KBTBD12: variants seen among roughly 807,000 people sequenced by gnomAD.
The protein encoded by KBTBD12 is kelch repeat and BTB domain-containing protein 12.
KBTBD12 carries 53 observed loss-of-function variants against 58.7 expected under a neutral mutation model. The ratio of observed to expected loss-of-function variants is 0.90; its 90% confidence interval spans 0.72 to 1.14. The LOEUF is 1.14. Among genes scored for constraint, KBTBD12 ranks in the 50% most tolerant of loss-of-function variants. KBTBD12 has a pLI of 0.00. For synonymous variants in KBTBD12, 236 were observed against 259.8 expected (o/e 0.91, Z 0.88); for missense variants, 704 against 751.3 (o/e 0.94, Z 0.74).
At chr3:127,945,330 G>A (rs977510740) in intron 4 of KBTBD12, among the ~76,000 whole-genome samples, 4 of 150,762 alleles carry the variant, frequency 2.7e-5, no homozygotes, top group Non-Finnish European at 5.9e-5. Context: ...GACTACAGGC[G>A]CCCACCACAA....
chr3:127,968,381 T>C (rs1940620163), intron 5 of KBTBD12, among the ~76,000 whole-genome samples: 1 of 152,126 alleles, frequency 6.6e-6, no homozygotes, highest in Non-Finnish European at 1.5e-5. Flanking sequence ...TCTTACAAAA[T>C]ATACAAGAGG....
At chr3:127,964,270 A>G (rs942859214) in intron 5 of KBTBD12, among the ~76,000 whole-genome samples, 2 of 152,190 alleles carry the variant, frequency 1.3e-5, no homozygotes, top group African/African-American at 2.4e-5. Flanking sequence ...GTTAAAGTAA[A>G]GCTGATACTG....
At chr3:127,949,106 A>G (rs1940149148) in intron 4 of KBTBD12, among the ~76,000 whole-genome samples, 1 of 152,226 alleles carries the variant, frequency 6.6e-6, no homozygotes, top group Non-Finnish European at 1.5e-5. Flanking sequence ...CACACCAAAC[A>G]GAAAGAATTC....
chr3:127,953,382 ATACT>A lies in KBTBD12; in HGVS notation c.1493-9802_1493-9799del, dbSNP rs1940251714. Among the ~76,000 whole-genome samples the A allele has an allele frequency of 2.6e-5, 4 of 152,314 alleles. No individual in the cohort carries two copies. In the South Asian group the frequency reaches 6.2e-4, roughly 24 times the overall value. ...CCTATTGTAAACATGCGCTAATGACATACTTACTGCACATTCACACAGCCTGCTT... is the reference window on the plus strand; with the variant it reads ...CCTATTGTAAACATGCGCTAATGACATACTGCACATTCACACAGCCTGCTT... On this transcript the variant is annotated intron_variant, in intron 4 of 5. Transcript: ENST00000405109.
chr3:127,963,385 A>C lies in KBTBD12; in HGVS notation c.1689A>C (p.Ala563=), dbSNP rs770191170. The change falls in exon 5 of 6, where the codon GCA becomes GCC. Residue 563 remains alanine (A), a splice_region_variant and synonymous_variant. Transcript: ENST00000405109. The part of the protein sequence containing the change: ...KLYVCGGFHG[A]DRHEVISKEI... ...ATGTCTGCGGGGGATTCCATGGAGC[A>C]GGTATGGGTCCAGTTTTAAACATTT... is the stretch of plus-strand genomic sequence containing the variant. The C allele has an allele frequency of 6.2e-7, 1 of 1,601,828 alleles. No individual in the cohort carries two copies.
At chr3:127,943,763 G>A (rs1177518595) in intron 4 of KBTBD12, among the ~76,000 whole-genome samples, 6 of 151,820 alleles carry the variant, frequency 4.0e-5, no homozygotes, top group African/African-American at 7.3e-5. Context: ...AAATTGCCAA[G>A]GCCAATGTCA....
At chr3:127,962,981 A>C (rs1166230221) in intron 4 of KBTBD12, among the ~76,000 whole-genome samples, 1 of 152,248 alleles carries the variant, frequency 6.6e-6, no homozygotes, top group Admixed American at 6.5e-5. Context: ...CAAGGAGAAC[A>C]CTATGAATAA....
At chr3:127,951,747 C>A (rs1328258666) in intron 4 of KBTBD12, among the ~76,000 whole-genome samples, 2 of 151,914 alleles carry the variant, frequency 1.3e-5, no homozygotes, top group African/African-American at 2.4e-5. Flanking sequence ...TTAAATTATT[C>A]GTTGAAACAT....
chr3:127,921,144 G>A (rs1478744695), intron 1 of KBTBD12, among the ~76,000 whole-genome samples: 3 of 152,034 alleles, frequency 2.0e-5, no homozygotes, highest in Non-Finnish European at 4.4e-5. Context: ...GTACATGCAT[G>A]GCCTTATTTA....
chr3:127,966,762 G>C (rs1304864472), intron 5 of KBTBD12, among the ~76,000 whole-genome samples: 1 of 152,112 alleles, frequency 6.6e-6, no homozygotes, highest in Non-Finnish European at 1.5e-5. Context: ...ATATACAAAT[G>C]CCAAGGACAA....
chr3:127,953,153 A>G (rs1443230882), intron 4 of KBTBD12, among the ~76,000 whole-genome samples: 4 of 152,252 alleles, frequency 2.6e-5, no homozygotes, highest in African/African-American at 7.2e-5. Flanking sequence ...GAAGTGCTCA[A>G]TAGATGAGAG....
intron 4 of KBTBD12, among the ~76,000 whole-genome samples, chr3:127,954,225 T>G (rs1265883592): frequency 6.6e-6 from 1 of 152,220 alleles, no homozygotes; most frequent in Non-Finnish European, 1.5e-5. Flanking sequence ...AGTCCAGAAA[T>G]TTTAGGTTAA....
chr3:127,977,135 C>A (rs1287152336), intron 5 of KBTBD12, among the ~76,000 whole-genome samples: 4 of 152,170 alleles, frequency 2.6e-5, no homozygotes, highest in Non-Finnish European at 5.9e-5. Flanking sequence ...AGGATAATAA[C>A]CTCCAGCTCC....
In KBTBD12 at chr3:127,924,065, T is replaced by A. The variant is rs776155699; in HGVS notation, c.1004T>A (p.Ile335Asn). 6.2e-7 allele frequency: 1 copy of A among 1,613,696 alleles called. No individual in the cohort carries two copies. Among genetic ancestry groups the A allele is most frequent in the South Asian group, 1.1e-5 (1 of 91,070 alleles). The stretch of plus-strand genomic sequence containing the variant: ...GTTGTCATGGAAAATAATACTATAA[T>A]TGTGGCTGGAGAAGCAAGTGCCTCT... Reference protein sequence around the residue: ...TGVVMENNTIIVAGEASASKL... With the variant: ...TGVVMENNTINVAGEASASKL... Residue 335 changes from isoleucine to asparagine, a missense_variant, in exon 2 of 6, where the codon ATT becomes AAT. Transcript: ENST00000405109.
In KBTBD12 at chr3:127,927,992, A is replaced by C; in HGVS notation, c.1299A>C (p.Thr433=). 6.2e-7 allele frequency: 1 copy of C among 1,613,586 alleles called. No homozygotes were observed. The highest frequency in any genetic ancestry group is 2.2e-5 in the East Asian group (1 of 44,866). The change falls in exon 3 of 6, where the codon ACA becomes ACC. Residue 433 remains threonine, a synonymous_variant. Transcript: ENST00000405109. ...PLQLACHAVV[T]VNNKLYVIGG... ...AATTGGCATGTCATGCTGTAGTGAC[A>C]GTGAATAATAAACTTTATGTAATTG...
chr3:127,963,246 T>C lies in KBTBD12; in HGVS notation c.1550T>C (p.Val517Ala). 1 of 1,612,874 alleles carries C rather than the reference T, an allele frequency of 6.2e-7. No homozygotes were observed. The highest frequency in any genetic ancestry group is 1.1e-5 in the South Asian group (1 of 90,684). ...CAGGTTCGAAAATGCCTTGACGTGG[T>C]GGAGATCTACAACCCAGATGGGGAC... ...KGQVRKCLDV[V>A]EIYNPDGDFW... Residue 517 changes from valine (V) to alanine (A), a missense_variant, in exon 5 of 6, where the codon GTG (valine) becomes GCG (alanine). Coordinates refer to ENST00000405109, the MANE Select transcript of KBTBD12 (RefSeq NM_207335.4).
rs13094718 is a variant in KBTBD12 at position 127,923,034 on chromosome 3, C to A, written c.-28C>A. On this transcript the variant is annotated 5_prime_UTR_variant, in exon 2 of 6. Transcript: ENST00000405109. Reference sequence around the variant, plus strand: ...GGAATCAAGCTACACTTAAAGAAGACTTAGTTGGAAACTTTGGAGAGTAGA... The same window carrying A: ...GGAATCAAGCTACACTTAAAGAAGAATTAGTTGGAAACTTTGGAGAGTAGA... 2.2e-6 allele frequency: 3 copies of A among 1,372,760 alleles called. No homozygotes were observed. The highest frequency in any genetic ancestry group is 2.3e-5 in the East Asian group (1 of 43,434). 85.0% of individuals were successfully genotyped at this position (1,372,760 alleles called of 1,614,324 possible).
rs1321903473 is a variant in KBTBD12, at chr3:127,980,243, GT to G, written c.1691-3849del. ...TAATCTGTCTCTAGCACATTTCAAA[GT>G]TTTTGGTTTGAGGTAAGAGGTCTAA... On this transcript the variant is annotated intron_variant, in intron 5 of 5. Transcript: ENST00000405109. Among the ~76,000 whole-genome samples the G allele has an allele frequency of 7.9e-5, 12 of 152,230 alleles. No homozygotes were observed. The East Asian group carries it at 2.1e-3, about 27-fold the overall frequency.
In KBTBD12 at chr3:127,923,261, G is replaced by A; in HGVS notation, c.200G>A (p.Cys67Tyr). Residue 67 changes from cysteine to tyrosine, a missense_variant, in exon 2 of 6, where the codon TGT (cysteine) becomes TAT (tyrosine). Transcript: ENST00000405109. ...KAMFTCGLLE[C>Y]NQREVILYDI... ...ATGTTCACCTGTGGACTACTTGAAT[G>A]TAATCAAAGGGAAGTCATACTTTAT... 6.2e-7 allele frequency: 1 copy of A among 1,613,810 alleles called. No individual in the cohort carries two copies. The highest frequency in any genetic ancestry group is 1.7e-5 in the Admixed American group (1 of 60,002).
Sources: allele counts gnomAD v4.1 joint callset (sites outside exome capture counted in the v4.1 genomes callset), GRCh38; gene constraint gnomAD v4.1.1; transcripts MANE v1.5; gene names NCBI Gene and HGNC (gene_info 2026-07-23, HGNC 2026-07-21).